NEDD4L: variants seen among roughly 807,000 people sequenced by gnomAD.
NEDD4L encodes E3 ubiquitin-protein ligase NEDD4-like.
NEDD4L carries 54 observed loss-of-function variants against 148.9 expected under a neutral mutation model. The observed-to-expected ratio is 0.36, with a 90% CI of 0.29 to 0.45. The LOEUF (loss-of-function observed/expected upper bound fraction) is 0.45. Among genes scored for constraint, NEDD4L ranks in the 20% least tolerant of loss-of-function variants. The pLI is 1.00. For synonymous variants in NEDD4L, 433 were observed against 440.7 expected (o/e 0.98, Z 0.22); for missense variants, 856 against 1,233.8 (o/e 0.69, Z 4.59).
chr18:58,079,539 T>G (rs2083331660), intron 1 of NEDD4L, among the ~76,000 whole-genome samples: 1 of 152,202 alleles, frequency 6.6e-6, no homozygotes. Context: ...GAGAGGTTGG[T>G]GATTTGCCCC....
intron 1 of NEDD4L, among the ~76,000 whole-genome samples, chr18:58,158,841 T>C (rs1250731194): frequency 6.6e-6 from 1 of 152,170 alleles, no homozygotes; most frequent in Admixed American, 6.5e-5. Flanking sequence ...CACTCACATC[T>C]TACGCCTCTG....
chr18:58,221,702 A>G, intron 2 of NEDD4L: 1 of 985,504 alleles, frequency 1.0e-6, no homozygotes, highest in Non-Finnish European at 1.2e-6. Context: ...CAGCAGCGCT[A>G]GTCCAGCTGA....
intron 26 of NEDD4L, among the ~76,000 whole-genome samples, 200 bp from the exon 27 acceptor site, chr18:58,387,239 T>G (rs2049152538): frequency 6.6e-6 from 1 of 152,238 alleles, no homozygotes; most frequent in South Asian, 2.1e-4. Context: ...ATCTTCTAGA[T>G]TCTATGCTTT....
intron 25 of NEDD4L, among the ~76,000 whole-genome samples, chr18:58,384,454 A>G (rs185387088): frequency 3.9e-5 from 6 of 152,346 alleles, no homozygotes; most frequent in African/African-American, 9.6e-5. Context: ...GGCAGACACC[A>G]TTGTCTTCCT....
chr18:58,144,982 C>T (rs1017093250), intron 1 of NEDD4L, among the ~76,000 whole-genome samples: 1 of 152,176 alleles, frequency 6.6e-6, no homozygotes, highest in Admixed American at 6.5e-5. Context: ...CAAGTTGGGG[C>T]GACCCTGAGA....
chr18:58,155,812 G>A (rs2035415776), intron 1 of NEDD4L, among the ~76,000 whole-genome samples: 1 of 152,218 alleles, frequency 6.6e-6, no homozygotes, highest in Non-Finnish European at 1.5e-5. Context: ...GGATGGGTTT[G>A]AACTGCGGCG....
At chr18:58,339,000 G>A (rs1401744578) in intron 13 of NEDD4L, among the ~76,000 whole-genome samples, 1 of 152,186 alleles carries the variant, frequency 6.6e-6, no homozygotes, top group East Asian at 1.9e-4. Context: ...ACACATCCAT[G>A]TGCTTTCAGT....
Position 58,309,204 on chromosome 18 carries a change from A to G in NEDD4L, c.298-6778A>G, listed in dbSNP as rs1160723182. The stretch of plus-strand genomic sequence containing the variant: ...CTCCCCCCCACTGCCCCACGGGGCC[A>G]CGCCTCATCAGTGGCATGGACCTTT... On this transcript the variant is annotated intron_variant, in intron 5 of 30. Coordinates refer to ENST00000400345, the MANE Select transcript of NEDD4L (RefSeq NM_001144967.3). Among the ~76,000 whole-genome samples, 3 of 152,200 alleles carry G rather than the reference A, an allele frequency of 2.0e-5. No homozygotes were observed. The East Asian group carries it at 5.8e-4, about 30-fold the overall frequency.
chr18:58,273,208 C>T (rs1030888417), intron 5 of NEDD4L, among the ~76,000 whole-genome samples: 2 of 152,196 alleles, frequency 1.3e-5, no homozygotes, highest in Non-Finnish European at 2.9e-5. Flanking sequence ...GGATTGTTCA[C>T]GCTGTAGAAC....
At position 58,139,253 on chromosome 18, in the gene NEDD4L, A is replaced by G. The variant is rs551661645; in HGVS notation, c.49-26535A>G. Among the ~76,000 whole-genome samples the G allele has an allele frequency of 2.0e-5, 3 of 152,236 alleles. No individual in the cohort carries two copies. In the South Asian group the frequency reaches 6.2e-4, roughly 32 times the overall value. On this transcript the variant is annotated intron_variant, in intron 1 of 30. Coordinates refer to ENST00000400345, the MANE Select transcript of NEDD4L (RefSeq NM_001144967.3). Reference sequence around the variant, plus strand: ...GGGAGGAGAGGATAATTTGGCCACAATAGGATTCCTTATTATCTGTCTCTT... The same window carrying G: ...GGGAGGAGAGGATAATTTGGCCACAGTAGGATTCCTTATTATCTGTCTCTT...
intron 1 of NEDD4L, among the ~76,000 whole-genome samples, chr18:58,092,255 A>C (rs2084115640): frequency 6.6e-6 from 1 of 151,952 alleles, no homozygotes; most frequent in African/African-American, 2.4e-5. Flanking sequence ...TAGATGCACC[A>C]GCTGAACGTC....
intron 1 of NEDD4L, among the ~76,000 whole-genome samples, chr18:58,157,185 CAA>C (rs59302556): frequency 5.9e-4 from 53 of 89,252 alleles, no homozygotes; most frequent in African/African-American, 7.2e-4. Context: ...GACCTTGTCT[CAA>C]AAAAAAAAAA....
intron 4 of NEDD4L, among the ~76,000 whole-genome samples, chr18:58,249,684 C>G (rs2047668342): frequency 6.6e-6 from 1 of 152,160 alleles, no homozygotes; most frequent in Non-Finnish European, 1.5e-5. Context: ...AGAAATAATC[C>G]AGGTCTTCTG....
At chr18:58,050,229 G>A (rs912414011) in intron 1 of NEDD4L, among the ~76,000 whole-genome samples, 4 of 152,038 alleles carry the variant, frequency 2.6e-5, no homozygotes, top group African/African-American at 9.7e-5. Context: ...AAGGCTGGTG[G>A]ATCACTTGAG....
At chr18:58,142,848 A>G (rs1206653800) in intron 1 of NEDD4L, among the ~76,000 whole-genome samples, 1 of 151,552 alleles carries the variant, frequency 6.6e-6, no homozygotes. Flanking sequence ...TTTTTTTCAG[A>G]TTTTTAAATA....
intron 1 of NEDD4L, among the ~76,000 whole-genome samples, chr18:58,066,910 A>G (rs893155023): frequency 8.5e-5 from 13 of 152,178 alleles, no homozygotes; most frequent in African/African-American, 2.9e-4. Flanking sequence ...ATCTCCTTGT[A>G]CCAGGCCCCT....
chr18:58,180,689 T>C (rs1349750574), intron 2 of NEDD4L, among the ~76,000 whole-genome samples: 1 of 152,264 alleles, frequency 6.6e-6, no homozygotes, highest in East Asian at 1.9e-4. Context: ...GGACATTCTT[T>C]AAAACATGCA....
intron 1 of NEDD4L, among the ~76,000 whole-genome samples, chr18:58,130,899 G>A (rs1292243934): frequency 2.0e-5 from 3 of 148,724 alleles, no homozygotes; most frequent in Admixed American, 1.3e-4. Flanking sequence ...TTGGGGTTTG[G>A]TTGTGATCTA....
At chr18:58,320,391 C>G (rs2058673834) in intron 6 of NEDD4L, among the ~76,000 whole-genome samples, 1 of 152,216 alleles carries the variant, frequency 6.6e-6, no homozygotes, top group South Asian at 2.1e-4. Context: ...CTCTCTGTGT[C>G]AGTGAATTTG....
Sources: gnomAD v4.1 joint callset for allele counts (sites outside exome capture counted in the v4.1 genomes callset) on GRCh38, gnomAD v4.1.1 for gene constraint, MANE v1.5 for transcripts, NCBI Gene and HGNC (gene_info 2026-07-23, HGNC 2026-07-21) for gene names.